The following PLD2 variants were observed in gnomAD, a reference collection of about 807,000 sequenced individuals.
The protein encoded by PLD2 is choline phosphatase 2.
In PLD2, 101 loss-of-function variants were observed where a neutral mutation model predicts 119.8. The ratio of observed to expected loss-of-function variants is 0.84; its 90% CI spans 0.72 to 0.99. The LOEUF is 0.99. Among genes scored for constraint, PLD2 ranks in the 50% least tolerant of loss-of-function variants. The pLI is 0.00. For missense variants in PLD2, 1,164 were observed against 1,226.8 expected (o/e 0.95, Z 0.76); for synonymous variants, 494 against 482.8 (o/e 1.02, Z -0.30).
chr17:4,820,372 ATTC>A (rs1362391841), intron 23 of PLD2, among the ~76,000 whole-genome samples: 9 of 147,438 alleles, frequency 6.1e-5, no homozygotes, highest in South Asian at 4.3e-4. Context: ...GGTTCAAGCA[ATTC>A]TTCTGCCTCA....
intron 15 of PLD2, 86 bp from the exon 16 acceptor site, chr17:4,816,851 C>G: frequency 6.3e-7 from 1 of 1,582,676 alleles, no homozygotes; most frequent in Non-Finnish European, 8.7e-7. Flanking sequence ...GTACAGCCCT[C>G]CCTCTGGCAG....
At chr17:4,811,069 C>T (rs1906414415) in intron 10 of PLD2, 118 bp downstream of exon 10, 2 of 932,154 alleles carry the variant, frequency 2.1e-6, no homozygotes, top group Non-Finnish European at 3.2e-6. Context: ...ATGACCCGCC[C>T]CGTGACTTCT....
In PLD2 at chr17:4,815,887, T is replaced by TACCG. The variant is rs1906920779; in HGVS notation, c.1411_1414dup (p.Leu472ProfsTer4). 3.1e-6 allele frequency: 5 copies of TACCG among 1,614,126 alleles called. No homozygotes were observed. The highest frequency in any genetic ancestry group is 1.7e-5 in the Admixed American group (1 of 59,994). Reference sequence around the variant, plus strand: ...CTATGGCCGCTGGGATGACCTGCACTACCGACTGACTGACCTTGGAGACTC... The same window carrying TACCG: ...CTATGGCCGCTGGGATGACCTGCACTACCGACCGACTGACTGACCTTGGAGACTC... On this transcript the variant is annotated frameshift_variant, in exon 14 of 25. Transcript: ENST00000263088. LOFTEE classifies it high-confidence loss of function.
Position 4,819,388 on chromosome 17 carries a change from C to T in PLD2, c.2309-41C>T, listed in dbSNP as rs1907403372. On this transcript the variant is annotated intron_variant, in intron 22 of 24. Coordinates refer to ENST00000263088, the MANE Select transcript of PLD2 (RefSeq NM_002663.5). This position sits in a 1 kb window ranked among gnomAD's most constrained non-coding sequence, Gnocchi z 4.2. ...AGGGGATGGGGTACTGGGGAGAGTGCCCTGGGCCCAAGCACACAGTGTGCC... is the reference window on the plus strand; with the variant it reads ...AGGGGATGGGGTACTGGGGAGAGTGTCCTGGGCCCAAGCACACAGTGTGCC... 2 of 1,609,498 alleles carry T rather than the reference C, an allele frequency of 1.2e-6. No individual in the cohort carries two copies. The highest frequency in any genetic ancestry group is 8.5e-7 in the Non-Finnish European group (1 of 1,177,884).
chr17:4,817,300 T>C (rs373390544), intron 17 of PLD2, 41 bp downstream of exon 17: 41 of 1,305,260 alleles, frequency 3.1e-5, no homozygotes, highest in Non-Finnish European at 4.2e-5. Flanking sequence ...CTTTGTCTCC[T>C]TCAGCCTAAC....
intron 10 of PLD2, among the ~76,000 whole-genome samples, chr17:4,812,528 C>G (rs905321454): frequency 6.6e-6 from 1 of 151,610 alleles, no homozygotes; most frequent in South Asian, 2.1e-4. Context: ...CTCCTGACTT[C>G]GTGATCTGCC....
intron 17 of PLD2, 113 bp downstream of exon 17, chr17:4,817,372 G>A (rs2150677189): frequency 1.3e-6 from 1 of 789,334 alleles, no homozygotes. Flanking sequence ...GGGTTAAGAA[G>A]CACATCACGG....
At chr17:4,809,018 C>T (rs917224053) in intron 4 of PLD2, 82 bp from the exon 5 acceptor site, 12 of 1,100,562 alleles carry the variant, frequency 1.1e-5, no homozygotes, top group African/African-American at 7.7e-5. Context: ...TCTTTTCCTC[C>T]GAGCCCCATC....
Position 4,807,544 on chromosome 17 carries a change from C to CG in PLD2, c.-1-222dup. ...CCGGGGCTCTGGTTACGGGACGGGG[C>CG]GGGGGGCGGGGGGCGGGACTGGGAT... On this transcript the variant is annotated intron_variant, in intron 1 of 24. Coordinates refer to ENST00000263088, the MANE Select transcript of PLD2 (RefSeq NM_002663.5). This position sits in a 1 kb window ranked among gnomAD's most constrained non-coding sequence, Gnocchi z 5.4. The CG allele has an allele frequency of 9.9e-6, 4 of 402,620 alleles. No individual in the cohort carries two copies. Among genetic ancestry groups the CG allele is most frequent in the Non-Finnish European group, 9.1e-6 (2 of 219,640 alleles). 24.9% of individuals were successfully genotyped at this position (402,620 alleles called of 1,614,324 possible).
rs1481464428 is a variant in PLD2, at chr17:4,808,721, G to A, written c.383+305G>A. Among the ~76,000 whole-genome samples, 1 of 151,940 alleles carries A rather than the reference G, an allele frequency of 6.6e-6. No individual in the cohort carries two copies. The highest frequency in any genetic ancestry group is 1.5e-5 in the Non-Finnish European group (1 of 67,980). The stretch of plus-strand genomic sequence containing the variant: ...GGCCTTTTGTTTGTTTTTTGTTTTT[G>A]TTTTGTACAAGGTCTCCCTCTGTCA... On this transcript the variant is annotated intron_variant, in intron 4 of 24. Coordinates refer to ENST00000263088, the MANE Select transcript of PLD2 (RefSeq NM_002663.5). The surrounding 1 kb of genome is among the most constrained non-coding windows in gnomAD (Gnocchi z 4.1).
chr17:4,811,467 G>A (rs1906470383), intron 10 of PLD2, among the ~76,000 whole-genome samples: 1 of 98 alleles, frequency 0.01, no homozygotes, highest in African/African-American at 0.036. Flanking sequence ...AGTAGAGACG[G>A]GGGTTTCACC....
intron 21 of PLD2, 105 bp downstream of exon 21, chr17:4,818,928 C>A: frequency 6.7e-7 from 1 of 1,484,866 alleles, no homozygotes; most frequent in Non-Finnish European, 9.3e-7. Flanking sequence ...TCCTGTGAGC[C>A]TCTGACGCTA....
intron 10 of PLD2, among the ~76,000 whole-genome samples, chr17:4,812,628 G>A (rs993887308): frequency 2.0e-5 from 3 of 152,144 alleles, no homozygotes; most frequent in African/African-American, 7.2e-5. Flanking sequence ...AATCCACAGT[G>A]ATGGAAATCA....
intron 10 of PLD2, among the ~76,000 whole-genome samples, chr17:4,811,602 T>A (rs768183778): frequency 6.6e-6 from 1 of 152,132 alleles, no homozygotes; most frequent in Non-Finnish European, 1.5e-5. Context: ...TCTAAGCACC[T>A]AGCAGTGCTG....
rs974671153 is a variant in PLD2 at position 4,808,407 on chromosome 17, C to T, written c.374C>T (p.Pro125Leu). 1 of 1,613,858 alleles carries T rather than the reference C, an allele frequency of 6.2e-7. No homozygotes were observed. Among genetic ancestry groups the T allele is most frequent in the Non-Finnish European group, 8.5e-7 (1 of 1,179,846 alleles). Reference protein sequence around the residue: ...LRHKVLMSLLPLARFAVAYSP... With the variant: ...LRHKVLMSLLLLARFAVAYSP... ...CACAAAGTCTTGATGAGTCTGCTCC[C>T]TCTGGCTCGGTGAGGGCGACCGGAC... The change falls in exon 4 of 25, where the codon CCT (proline) becomes CTT (leucine). Residue 125 changes from proline to leucine, a missense_variant. Physicochemically the swap from Pro to Leu is moderately conservative, Grantham distance 98. Transcript: ENST00000263088. This position sits in a 1 kb window ranked among gnomAD's most constrained non-coding sequence, Gnocchi z 4.1.
chr17:4,811,876 G>A (rs969501609), intron 10 of PLD2, among the ~76,000 whole-genome samples: 2 of 151,906 alleles, frequency 1.3e-5, no homozygotes, highest in Non-Finnish European at 2.9e-5. Context: ...GTGCAGTAGT[G>A]TGATCATGGC....
chr17:4,814,712 G>A lies in PLD2; in HGVS notation c.1173+1G>A. On this transcript the variant is annotated splice_donor_variant, in intron 12 of 24. Coordinates refer to ENST00000263088, the MANE Select transcript of PLD2 (RefSeq NM_002663.5). LOFTEE classifies it high-confidence loss of function. Reference sequence around the variant, plus strand: ...GGACATTATGCTCAAGAGGAAGGCGGTGAGGAGAGTGGTCAGGCCGCAGGG... The same window carrying A: ...GGACATTATGCTCAAGAGGAAGGCGATGAGGAGAGTGGTCAGGCCGCAGGG... 6.2e-7 allele frequency: 1 copy of A among 1,613,886 alleles called. No homozygotes were observed. Among genetic ancestry groups the A allele is most frequent in the Middle Eastern group, 1.7e-4 (1 of 6,060 alleles).
chr17:4,816,608 T>C lies in PLD2; in HGVS notation c.1456-12T>C. 2 of 1,613,356 alleles carry C rather than the reference T, an allele frequency of 1.2e-6. No homozygotes were observed. Among genetic ancestry groups the C allele is most frequent in the Non-Finnish European group, 1.7e-6 (2 of 1,179,376 alleles). ...TCCCCTTGCCCCTGGCTTGGGTGTG[T>C]TCCCCCTACAGCCTCCCACCCCGCG... On this transcript the variant is annotated splice_polypyrimidine_tract_variant and intron_variant, in intron 14 of 24. Coordinates refer to ENST00000263088, the MANE Select transcript of PLD2 (RefSeq NM_002663.5).
At position 4,818,842 on chromosome 17, in the gene PLD2, G is replaced by A. The variant is rs754307538; in HGVS notation, c.2173+19G>A. ...GCAGCCAGTGAGTGCTGGGGGCTGG[G>A]GGCTCAAGCCCTGGGCCCCTGGGAG... On this transcript the variant is annotated intron_variant, in intron 21 of 24. Transcript: ENST00000263088. 1.3e-5 allele frequency: 21 copies of A among 1,613,070 alleles called. No individual in the cohort carries two copies. The highest frequency in any genetic ancestry group is 1.6e-5 in the Non-Finnish European group (19 of 1,179,132).
Sources: allele counts gnomAD v4.1 joint callset (sites outside exome capture counted in the v4.1 genomes callset), GRCh38; gene constraint gnomAD v4.1.1; non-coding constraint Gnocchi (gnomAD v3.1); transcripts MANE v1.5; gene names NCBI Gene and HGNC (gene_info 2026-07-23, HGNC 2026-07-21).